LNP1: variants seen among roughly 807,000 people sequenced by gnomAD.
LNP1 encodes the protein leukemia NUP98 fusion partner 1.
In LNP1, 12 loss-of-function variants were observed where a neutral mutation model predicts 14.5. That is an observed-to-expected ratio of 0.83 (90% CI 0.53 to 1.34). The LOEUF (loss-of-function observed/expected upper bound fraction) is 1.34. Among genes scored for constraint, LNP1 ranks in the 40% most tolerant of loss-of-function variants. The pLI, the probability that LNP1 is intolerant of heterozygous loss-of-function variation, is 0.00. For missense variants in LNP1, 198 were observed against 210.9 expected (o/e 0.94, Z 0.38); for synonymous variants, 75 against 71.4 (o/e 1.05, Z -0.26).
chr3:100,432,334 A>G (rs1175844994), intron 2 of LNP1, among the ~76,000 whole-genome samples: 2 of 152,018 alleles, frequency 1.3e-5, no homozygotes, highest in East Asian at 3.9e-4. Flanking sequence ...CATCTTCATC[A>G]GTCTCATGAT....
intron 2 of LNP1, among the ~76,000 whole-genome samples, chr3:100,445,560 A>G (rs1707379102): frequency 6.6e-6 from 1 of 152,240 alleles, no homozygotes; most frequent in South Asian, 2.1e-4. Context: ...AAGTGTATAC[A>G]GAGAGATACA....
At chr3:100,441,756 G>A (rs1464499801) in intron 2 of LNP1, among the ~76,000 whole-genome samples, 1 of 152,018 alleles carries the variant, frequency 6.6e-6, no homozygotes, top group South Asian at 2.1e-4. Flanking sequence ...TCCACCTCGT[G>A]AGTTCAGGTG....
intron 2 of LNP1, 59 bp from the exon 3 acceptor site, chr3:100,451,660 T>G (rs1378289924): frequency 7.4e-6 from 4 of 538,826 alleles, no homozygotes; most frequent in Non-Finnish European, 9.0e-6. Context: ...ACATTCTGCC[T>G]CTGTGCTAAC....
At chr3:100,417,376 T>TC (rs1157616074) in intron 1 of LNP1, among the ~76,000 whole-genome samples, 5 of 124,590 alleles carry the variant, frequency 4.0e-5, no homozygotes, top group Admixed American at 7.8e-5. Flanking sequence ...TTTTTCTTTT[T>TC]TTTTTTTTTT....
rs974751781 is a variant in LNP1 at position 100,419,723 on chromosome 3, A to C, written c.-33-9974A>C. ...TGCTATATAAAAATTATTTCTATTT[A>C]TATGGAATTATATTTTATTTATATA... On this transcript the variant is annotated intron_variant, in intron 1 of 3. Transcript: ENST00000383693. 6.6e-5 allele frequency among the ~76,000 whole-genome samples: 10 copies of C among 152,186 alleles called. 1 individual carries two copies. The highest frequency in any genetic ancestry group is 2.6e-4 in the Admixed American group (4 of 15,302).
chr3:100,432,823 T>G (rs1034800439), intron 2 of LNP1, among the ~76,000 whole-genome samples: 4 of 152,182 alleles, frequency 2.6e-5, no homozygotes, highest in African/African-American at 9.6e-5. Context: ...TTAACATGGT[T>G]CTGTTAACAT....
intron 3 of LNP1, among the ~76,000 whole-genome samples, chr3:100,453,549 A>G (rs1306528846): frequency 2.0e-5 from 3 of 149,612 alleles, no homozygotes; most frequent in Non-Finnish European, 4.4e-5. Flanking sequence ...GATTGGGCCC[A>G]TTGTACTCCA....
intron 1 of LNP1, among the ~76,000 whole-genome samples, chr3:100,420,692 T>A (rs1707135686): frequency 6.6e-6 from 1 of 152,222 alleles, no homozygotes; most frequent in Non-Finnish European, 1.5e-5. Context: ...TTCTAGTTAC[T>A]AGTCCTGTGT....
chr3:100,404,801 T>TTTC (rs1706947758), intron 1 of LNP1, among the ~76,000 whole-genome samples: 1 of 151,088 alleles, frequency 6.6e-6, no homozygotes, highest in African/African-American at 2.4e-5. Flanking sequence ...CTTTTTTTTT[T>TTTC]TTTTTTTCCA....
At chr3:100,429,970 T>A in intron 2 of LNP1, 85 bp downstream of exon 2, 1 of 1,419,348 alleles carries the variant, frequency 7.0e-7, no homozygotes, top group Non-Finnish European at 9.5e-7. Flanking sequence ...AATCTTTGGA[T>A]ATAAAGTTTT....
intron 2 of LNP1, among the ~76,000 whole-genome samples, chr3:100,440,110 C>CT (rs1193556467): frequency 1.3e-5 from 2 of 152,212 alleles, no homozygotes; most frequent in Non-Finnish European, 2.9e-5. Context: ...CATGGTCTTT[C>CT]TTCTGACAGT....
chr3:100,422,392 C>T lies in LNP1; in HGVS notation c.-33-7305C>T, dbSNP rs150775048. On this transcript the variant is annotated intron_variant, in intron 1 of 3. Transcript: ENST00000383693. ...TGGAGACAGGGTTTCACTGTGTTAGCCAGGATGGTCTTGATCTCCTGACCT... is the reference window on the plus strand; with the variant it reads ...TGGAGACAGGGTTTCACTGTGTTAGTCAGGATGGTCTTGATCTCCTGACCT... 4.0e-3 allele frequency among the ~76,000 whole-genome samples: 609 copies of T among 152,078 alleles called. 3 individuals are homozygous for T. Among genetic ancestry groups the T allele is most frequent in the South Asian group, 7.5e-3 (36 of 4,812 alleles).
chr3:100,421,072 G>A (rs1477908140), intron 1 of LNP1, among the ~76,000 whole-genome samples: 2 of 152,092 alleles, frequency 1.3e-5, no homozygotes, highest in African/African-American at 4.8e-5. Flanking sequence ...TCAATCTCCT[G>A]AGCTCAAGTG....
chr3:100,421,569 G>A lies in LNP1; in HGVS notation c.-33-8128G>A, dbSNP rs77219881. On this transcript the variant is annotated intron_variant, in intron 1 of 3. Coordinates refer to ENST00000383693, the MANE Select transcript of LNP1 (RefSeq NM_001085451.2). ...TAGAATTCTGTTATATAAATATATCGTAATGTATTAGCCTGATCTCCAGTT... is the reference window on the plus strand; with the variant it reads ...TAGAATTCTGTTATATAAATATATCATAATGTATTAGCCTGATCTCCAGTT... Among the ~76,000 whole-genome samples, 329 of 152,196 alleles carry A rather than the reference G, an allele frequency of 2.2e-3. 4 individuals are homozygous for A. The East Asian group carries it at 0.029, about 13-fold the overall frequency.
intron 1 of LNP1, among the ~76,000 whole-genome samples, chr3:100,407,583 G>T (rs1424234083): frequency 6.6e-6 from 1 of 152,060 alleles, no homozygotes; most frequent in Admixed American, 6.6e-5. Flanking sequence ...TATTTGGATT[G>T]AATCTAATTG....
At chr3:100,420,178 G>C (rs1707129644) in intron 1 of LNP1, among the ~76,000 whole-genome samples, 1 of 152,160 alleles carries the variant, frequency 6.6e-6, no homozygotes, top group African/African-American at 2.4e-5. Context: ...TATCTTCTGA[G>C]ATCAGATGAG....
chr3:100,411,522 C>T (rs148818514), intron 1 of LNP1, among the ~76,000 whole-genome samples: 4 of 152,326 alleles, frequency 2.6e-5, no homozygotes, highest in Non-Finnish European at 5.9e-5. Flanking sequence ...TAGTACTCTA[C>T]AAGTGTTGCT....
At chr3:100,403,581 C>T (rs1287989867) in intron 1 of LNP1, among the ~76,000 whole-genome samples, 2 of 152,094 alleles carry the variant, frequency 1.3e-5, no homozygotes, top group Non-Finnish European at 2.9e-5. Flanking sequence ...TCTCCTCCCT[C>T]AGCGTCCCAG....
At chr3:100,423,535 A>T (rs986068388) in intron 1 of LNP1, among the ~76,000 whole-genome samples, 1 of 152,130 alleles carries the variant, frequency 6.6e-6, no homozygotes, top group African/African-American at 2.4e-5. Flanking sequence ...ATAATTGCAT[A>T]GTCTCCTAAG....
Sources: gnomAD v4.1 joint callset for allele counts (sites outside exome capture counted in the v4.1 genomes callset) on GRCh38, gnomAD v4.1.1 for gene constraint, MANE v1.5 for transcripts, NCBI Gene and HGNC (gene_info 2026-07-23, HGNC 2026-07-21) for gene names.